The following SUMF1 variants were observed in gnomAD, a reference collection of about 807,000 sequenced individuals.
SUMF1 encodes the protein formylglycine-generating enzyme.
In SUMF1, 48 loss-of-function variants were observed where a neutral mutation model predicts 47.6. The observed-to-expected ratio is 1.01, with a 90% confidence interval of 0.80 to 1.28. The LOEUF is 1.28. Ranked by LOEUF, SUMF1 falls within the 50% of genes most tolerant of loss-of-function variation. The pLI, the probability that SUMF1 is intolerant of heterozygous loss-of-function variation, is 0.00. For missense variants in SUMF1, 571 were observed against 485.4 expected, an observed-to-expected ratio of 1.18 and a Z score of -1.66; for synonymous variants, 230 against 192.1, an observed-to-expected ratio of 1.20 and a Z score of -1.63.
chr3:4,265,558 G>A (rs1697175021), intron 8 of SUMF1, among the ~76,000 whole-genome samples: 1 of 152,010 alleles, frequency 6.6e-6, no homozygotes, highest in Non-Finnish European at 1.5e-5. Context: ...TTTTACAAAG[G>A]CACAAAAATA....
intron 8 of SUMF1, among the ~76,000 whole-genome samples, chr3:4,141,489 C>T (rs75438197): frequency 0.028 from 4,239 of 152,092 alleles, 101 homozygotes; most frequent in African/African-American, 0.049. Flanking sequence ...CCTGAAAATC[C>T]GACTTATTCA....
chr3:4,368,492 T>C (rs1700058937), intron 8 of SUMF1, among the ~76,000 whole-genome samples: 1 of 152,076 alleles, frequency 6.6e-6, no homozygotes, highest in South Asian at 2.1e-4. Context: ...ACTGGGTATA[T>C]ACCCAAAGGA....
intron 8 of SUMF1, among the ~76,000 whole-genome samples, chr3:4,297,152 A>G (rs1033992355): frequency 6.6e-6 from 1 of 152,186 alleles, no homozygotes; most frequent in African/African-American, 2.4e-5. Context: ...CCTGTAAGCT[A>G]AAAACTTGGG....
chr3:4,217,514 T>TA (rs1553610066), intron 8 of SUMF1, among the ~76,000 whole-genome samples: 2,520 of 45,192 alleles, frequency 0.056, 607 homozygotes, highest in African/African-American at 0.19. Context: ...AAAGTATTTT[T>TA]TATATATATA....
At chr3:4,342,597 T>C (rs916459987) in intron 8 of SUMF1, among the ~76,000 whole-genome samples, 1 of 152,188 alleles carries the variant, frequency 6.6e-6, no homozygotes, top group Non-Finnish European at 1.5e-5. Context: ...ATATGGCTGG[T>C]TTCACATTTG....
At chr3:4,442,257 C>CTA (rs1254362460) in intron 3 of SUMF1, among the ~76,000 whole-genome samples, 1 of 140,594 alleles carries the variant, frequency 7.1e-6, no homozygotes, top group Non-Finnish European at 1.5e-5. Context: ...ACCATGAACT[C>CTA]TTTTTTTTTT....
intron 8 of SUMF1, among the ~76,000 whole-genome samples, chr3:4,237,154 T>C (rs1374859086): frequency 6.6e-6 from 1 of 152,104 alleles, no homozygotes; most frequent in Non-Finnish European, 1.5e-5. Context: ...GTGAAGAACA[T>C]CTTTGGTGGA....
At chr3:4,198,256 T>A (rs893695743) in intron 8 of SUMF1, among the ~76,000 whole-genome samples, 3 of 152,110 alleles carry the variant, frequency 2.0e-5, no homozygotes, top group African/African-American at 2.4e-5. Context: ...TGGAGTAACA[T>A]GCAGTTAGAC....
rs758059201 is a variant in SUMF1, at chr3:4,312,958, C to A, written c.1014+63372G>T. On this transcript the variant is annotated intron_variant and NMD_transcript_variant, in intron 8 of 12. Coordinates refer to the SUMF1 transcript ENST00000448413. Reference sequence around the variant, plus strand: ...CATTGATCCCACTCAAATAACCTTTCCCGGATGCATTTGTGTCAAAACTCC... The same window carrying A: ...CATTGATCCCACTCAAATAACCTTTACCGGATGCATTTGTGTCAAAACTCC... The A allele has an allele frequency of 7.4e-6, 12 of 1,613,842 alleles. No homozygotes were observed. The African/African-American group carries it at 9.3e-5, about 13-fold the overall frequency.
chr3:4,149,582 T>C (rs1332004899), intron 8 of SUMF1, among the ~76,000 whole-genome samples: 1 of 152,176 alleles, frequency 6.6e-6, no homozygotes, highest in Non-Finnish European at 1.5e-5. Flanking sequence ...AATTTCTTCC[T>C]CAGACTGCGC....
At chr3:4,112,596 G>C (rs1190368705) in intron 8 of SUMF1, among the ~76,000 whole-genome samples, 2 of 152,122 alleles carry the variant, frequency 1.3e-5, no homozygotes, top group East Asian at 1.9e-4. Flanking sequence ...CCCATATCAA[G>C]TTAAAGTACT....
intron 8 of SUMF1, among the ~76,000 whole-genome samples, chr3:4,101,051 G>A (rs764876551): frequency 5.3e-5 from 8 of 151,810 alleles, no homozygotes; most frequent in Non-Finnish European, 7.4e-5. Context: ...ATACACCGTC[G>A]GTGATATTAT....
intron 8 of SUMF1, among the ~76,000 whole-genome samples, chr3:4,266,104 C>A (rs1575035627): frequency 6.6e-6 from 1 of 152,168 alleles, no homozygotes; most frequent in African/African-American, 2.4e-5. Flanking sequence ...TGTTTTGATA[C>A]CAGTACCATG....
At chr3:4,124,836 T>C (rs1693619640) in intron 8 of SUMF1, among the ~76,000 whole-genome samples, 2 of 152,034 alleles carry the variant, frequency 1.3e-5, no homozygotes. Flanking sequence ...AAATTTTTAC[T>C]GCTTGACCAC....
intron 8 of SUMF1, among the ~76,000 whole-genome samples, chr3:4,106,293 G>A (rs1465988324): frequency 6.6e-6 from 1 of 152,056 alleles, no homozygotes; most frequent in Non-Finnish European, 1.5e-5. Context: ...AAGATAAAAT[G>A]AAGATAAAGA....
At chr3:4,349,911 A>G (rs984933176) in intron 8 of SUMF1, among the ~76,000 whole-genome samples, 23 of 151,804 alleles carry the variant, frequency 1.5e-4, no homozygotes, top group African/African-American at 5.6e-4. Context: ...ATGTATTCCT[A>G]TGTAACAAAC....
intron 8 of SUMF1, among the ~76,000 whole-genome samples, chr3:4,135,506 T>A (rs1015747368): frequency 6.6e-6 from 1 of 152,188 alleles, no homozygotes; most frequent in South Asian, 2.1e-4. Context: ...GACAAACCCA[T>A]AGCCAATATC....
At chr3:4,038,633 G>A (rs1394483447) in intron 9 of SUMF1, among the ~76,000 whole-genome samples, 2 of 152,168 alleles carry the variant, frequency 1.3e-5, no homozygotes, top group Non-Finnish European at 2.9e-5. Context: ...ACTGGGAAGA[G>A]AGACTAGTCT....
At chr3:4,233,584 C>A (rs1243237344) in intron 8 of SUMF1, among the ~76,000 whole-genome samples, 2 of 152,046 alleles carry the variant, frequency 1.3e-5, no homozygotes, top group African/African-American at 4.8e-5. Context: ...GAACAGACAA[C>A]CAATTTGAAT....
Sources: allele counts gnomAD v4.1 joint callset (sites outside exome capture counted in the v4.1 genomes callset), GRCh38; gene constraint gnomAD v4.1.1; transcripts MANE v1.5; gene names NCBI Gene and HGNC (gene_info 2026-07-23, HGNC 2026-07-21).